Variants in GAD2 observed in about 807,000 individuals in gnomAD.
GAD2 encodes glutamate decarboxylase 2.
Under a neutral mutation model 80.1 loss-of-function variants are expected in GAD2, and 22 were observed. The observed-to-expected ratio is 0.27, with a 90% confidence interval of 0.20 to 0.39. The LOEUF (loss-of-function observed/expected upper bound fraction) is 0.39, where lower values mean the gene tolerates loss of function less well. Among genes scored for constraint, GAD2 ranks in the 10% least tolerant of loss-of-function variants. The pLI, the probability that GAD2 is intolerant of heterozygous loss-of-function variation, is 1.00. For missense variants in GAD2, 624 were observed against 738.4 expected (o/e 0.85, Z 1.80); for synonymous variants, 274 against 256.9 (o/e 1.07, Z -0.64).
At position 26,217,008 on chromosome 10, in the gene GAD2, C is replaced by A; in HGVS notation, c.76+123C>A. On this transcript the variant is annotated intron_variant, in intron 1 of 15. Coordinates refer to ENST00000376261, the MANE Select transcript of GAD2 (RefSeq NM_001134366.2). This position sits in a 1 kb window ranked among gnomAD's most constrained non-coding sequence, Gnocchi z 4.9. ...CAGGAAACTTCTTCGGGCGCTTCTC[C>A]CTGCTTTTGGGCTAAGTCCTTGACG... 1 of 817,502 alleles carries A rather than the reference C, an allele frequency of 1.2e-6. No homozygotes were observed. The highest frequency in any genetic ancestry group is 2.8e-5 in the East Asian group (1 of 36,200). The allele number at this position is 817,502 out of a possible 1,614,324, so 50.6% of individuals were successfully genotyped here.
chr10:26,282,542 G>A (rs963099486), intron 12 of GAD2, among the ~76,000 whole-genome samples: 4 of 151,700 alleles, frequency 2.6e-5, no homozygotes, highest in African/African-American at 9.7e-5. Context: ...ACATTATATT[G>A]TGAGCATTAT....
chr10:26,233,428 C>T (rs7904959), intron 7 of GAD2, among the ~76,000 whole-genome samples: 1,678 of 152,172 alleles, frequency 0.011, 34 homozygotes, highest in African/African-American at 0.036. Context: ...AGGGGGTTTT[C>T]GGAGCTCATT....
chr10:26,272,090 A>C (rs1271892788), intron 10 of GAD2, among the ~76,000 whole-genome samples: 4 of 152,076 alleles, frequency 2.6e-5, no homozygotes, highest in Admixed American at 6.6e-5. Context: ...AGGGGCAGAA[A>C]ATTTCCACAG....
At chr10:26,259,453 A>C (rs369773175) in intron 8 of GAD2, among the ~76,000 whole-genome samples, 1 of 150,876 alleles carries the variant, frequency 6.6e-6, no homozygotes, top group African/African-American at 2.4e-5. Flanking sequence ...TTTCATTTGC[A>C]TTTCCCTGAT....
chr10:26,270,858 T>G, intron 10 of GAD2, 102 bp downstream of exon 10: 1 of 825,294 alleles, frequency 1.2e-6, no homozygotes, highest in Non-Finnish European at 2.1e-6. Context: ...TTGGTCAGCT[T>G]ATTTTCAGAG....
intron 7 of GAD2, among the ~76,000 whole-genome samples, chr10:26,237,729 C>T (rs116175276): frequency 0.043 from 6,603 of 152,066 alleles, 446 homozygotes; most frequent in African/African-American, 0.15. Flanking sequence ...GTGAATTAGC[C>T]GGGTGCAGTG....
In GAD2 at chr10:26,259,143, A is replaced by G. The variant is rs189412051; in HGVS notation, c.921-9976A>G. Among the ~76,000 whole-genome samples the G allele has an allele frequency of 2.1e-4, 32 of 152,328 alleles. 1 individual carries two copies. The highest frequency in any genetic ancestry group is 1.8e-3 in the Admixed American group (28 of 15,304). ...TTACTTCCACCATTGACTAATAGGA[A>G]TAACGCTGCAATGAATATGGGCTGA... On this transcript the variant is annotated intron_variant, in intron 8 of 15. Transcript: ENST00000376261.
intron 15 of GAD2, among the ~76,000 whole-genome samples, chr10:26,293,590 G>A (rs1271058603): frequency 6.6e-6 from 1 of 152,196 alleles, no homozygotes; most frequent in East Asian, 1.9e-4. Flanking sequence ...CAACAAGGAC[G>A]TTGCTGAAGT....
rs1028184747 is a variant in GAD2, at chr10:26,303,628, A to G, written c.*2667A>G. On this transcript the variant is annotated 3_prime_UTR_variant, in exon 16 of 16. Coordinates refer to ENST00000376261, the MANE Select transcript of GAD2 (RefSeq NM_001134366.2). ...GGTTTTAGCTTTAATCAGAACTGAC[A>G]TGGCCATTTTCATTTATACAGCAAT... 2.4e-4 allele frequency: 37 copies of G among 152,342 alleles called. No individual in the cohort carries two copies. The highest frequency in any genetic ancestry group is 8.9e-4 in the African/African-American group (37 of 41,592). 9.4% of individuals were successfully genotyped at this position (152,342 alleles called of 1,614,324 possible).
intron 8 of GAD2, among the ~76,000 whole-genome samples, chr10:26,259,254 CT>C: frequency 6.6e-6 from 1 of 152,282 alleles, no homozygotes; most frequent in East Asian, 1.9e-4. Flanking sequence ...GTAATTCTAT[CT>C]TTAATTTTTT....
chr10:26,235,066 G>T (rs1844654480), intron 7 of GAD2, among the ~76,000 whole-genome samples: 1 of 152,120 alleles, frequency 6.6e-6, no homozygotes, highest in African/African-American at 2.4e-5. Flanking sequence ...TAGAGACAAG[G>T]TTTCACTATG....
At chr10:26,277,944 A>T (rs1845230167) in intron 11 of GAD2, among the ~76,000 whole-genome samples, 1 of 152,032 alleles carries the variant, frequency 6.6e-6, no homozygotes, top group African/African-American at 2.4e-5. Flanking sequence ...CAGAAGCCGC[A>T]TGACCGAATC....
intron 8 of GAD2, among the ~76,000 whole-genome samples, chr10:26,264,269 T>C (rs892998117): frequency 2.0e-5 from 3 of 151,850 alleles, no homozygotes; most frequent in Admixed American, 1.3e-4. Flanking sequence ...TTAGCATATA[T>C]GATCTGTGGC....
At position 26,303,207 on chromosome 10, in the gene GAD2, A is replaced by G. The variant is rs1185122081; in HGVS notation, c.*2246A>G. ...AAATTTTAAAGGACAATTTGTGCCT[A>G]TATATGAAATTCCAGCAAAACAATT... is the stretch of plus-strand genomic sequence containing the variant. On this transcript the variant is annotated 3_prime_UTR_variant, in exon 16 of 16. Transcript: ENST00000376261. 6.6e-6 allele frequency: 1 copy of G among 152,160 alleles called. No homozygotes were observed. Among genetic ancestry groups the G allele is most frequent in the East Asian group, 1.9e-4 (1 of 5,190 alleles). 9.4% of individuals were successfully genotyped at this position (152,160 alleles called of 1,614,324 possible). A position where few individuals can be genotyped will look rare whatever the true frequency, so the allele number is the denominator to read the frequency against.
intron 11 of GAD2, among the ~76,000 whole-genome samples, chr10:26,279,575 T>C (rs993333214): frequency 6.6e-6 from 1 of 152,204 alleles, no homozygotes; most frequent in African/African-American, 2.4e-5. Context: ...AAAATAATTC[T>C]GGTGCCAAGT....
rs149205889 is a variant in GAD2, at chr10:26,262,308, A to G, written c.921-6811A>G. 2.1e-3 allele frequency among the ~76,000 whole-genome samples: 310 copies of G among 148,112 alleles called. 2 individuals carry two copies. Among genetic ancestry groups the G allele is most frequent in the East Asian group, 0.01 (52 of 5,106 alleles). On this transcript the variant is annotated intron_variant, in intron 8 of 15. Coordinates refer to ENST00000376261, the MANE Select transcript of GAD2 (RefSeq NM_001134366.2). ...CAATTTTTCTATATATTATTGAATC[A>G]ATTCTTGTAATTTACCTTTCCCAGG...
chr10:26,228,565 G>A (rs1207482462), intron 6 of GAD2, among the ~76,000 whole-genome samples: 5 of 152,182 alleles, frequency 3.3e-5, no homozygotes, highest in African/African-American at 1.2e-4. Flanking sequence ...GTACAGGTCT[G>A]CGGTCTATTA....
At chr10:26,269,556 G>A (rs571890568) in intron 9 of GAD2, among the ~76,000 whole-genome samples, 12 of 152,314 alleles carry the variant, frequency 7.9e-5, no homozygotes, top group African/African-American at 2.6e-4. Flanking sequence ...AGTTTTTCCC[G>A]TGTAGGTGCA....
intron 4 of GAD2, among the ~76,000 whole-genome samples, chr10:26,222,174 C>T (rs1324425340): frequency 6.6e-6 from 1 of 152,062 alleles, no homozygotes; most frequent in Non-Finnish European, 1.5e-5. Context: ...GGAAACCTAG[C>T]AATGAAAGCG....
Sources: allele counts gnomAD v4.1 joint callset (sites outside exome capture counted in the v4.1 genomes callset), GRCh38; gene constraint gnomAD v4.1.1; non-coding constraint Gnocchi (gnomAD v3.1); transcripts MANE v1.5; gene names NCBI Gene and HGNC (gene_info 2026-07-23, HGNC 2026-07-21).